MICAL2: variants seen among roughly 807,000 people sequenced by gnomAD.
The protein encoded by MICAL2 is microtubule associated monooxygenase, calponin and LIM domain containing 2, also known as [F-actin]-monooxygenase MICAL2.
Under a neutral mutation model 127.3 loss-of-function variants are expected in MICAL2, and 77 were observed. The observed-to-expected ratio is 0.60, with a 90% confidence interval of 0.50 to 0.73. MICAL2 has a LOEUF of 0.73. Ranked by LOEUF, MICAL2 falls within the 30% of genes least tolerant of loss-of-function variation. MICAL2 has a pLI of 0.00. For synonymous variants in MICAL2, 570 were observed against 551.1 expected, an observed-to-expected ratio of 1.03 and a Z score of -0.48; for missense variants, 1,351 against 1,434.4, an observed-to-expected ratio of 0.94 and a Z score of 0.94.
intron 21 of MICAL2, among the ~76,000 whole-genome samples, chr11:12,245,867 G>T (rs1345475447): frequency 2.0e-5 from 3 of 152,238 alleles, no homozygotes; most frequent in Non-Finnish European, 4.4e-5. Flanking sequence ...AAAGGTCATG[G>T]CACCCTTGGC....
At position 12,241,130 on chromosome 11, in the gene MICAL2, A is replaced by G; in HGVS notation, c.2305A>G (p.Thr769Ala). Residue 769 changes from threonine (T) to alanine (A), a missense_variant, in exon 18 of 28, where the codon ACA becomes GCA. Thr to Ala is a moderately conservative substitution (Grantham distance 58). Around this residue, in one of 2 missense-constraint regions of MICAL2, gnomAD observed 752 missense variants for 719.4 expected, o/e 1.05. Coordinates refer to ENST00000683283, the MANE Select transcript of MICAL2 (RefSeq NM_001282663.2). Reference sequence around the variant, plus strand: ...TTGCTGCCCCAAGCCGGAGGAGGCCACACCCAGCCCATCACCTCCTCTGAA... The same window carrying G: ...TTGCTGCCCCAAGCCGGAGGAGGCCGCACCCAGCCCATCACCTCCTCTGAA... ...HSCCPKPEEATPSPSPPLKRQ... is the reference protein window; with the variant it reads ...HSCCPKPEEAAPSPSPPLKRQ... 2 of 1,613,998 alleles carry G rather than the reference A, an allele frequency of 1.2e-6. No individual in the cohort carries two copies. The highest frequency in any genetic ancestry group is 1.7e-4 in the Middle Eastern group (1 of 6,060).
downstream of MICAL2, among the ~76,000 whole-genome samples, chr11:12,265,529 G>A (rs937951961): frequency 6.6e-6 from 1 of 152,226 alleles, no homozygotes; most frequent in East Asian, 1.9e-4. Flanking sequence ...TTAATGTAGA[G>A]TAATAAAATA....
intron 26 of MICAL2, chr11:12,262,177 C>A (rs952179169): frequency 1.6e-6 from 2 of 1,271,558 alleles, no homozygotes; most frequent in South Asian, 1.7e-5. Context: ...GCCTCTAGGC[C>A]TCCGCAACAT....
intron 8 of MICAL2, among the ~76,000 whole-genome samples, chr11:12,218,319 C>A (rs1356312673): frequency 6.6e-6 from 1 of 152,174 alleles, no homozygotes; most frequent in East Asian, 1.9e-4. Flanking sequence ...GTCCTCCTGT[C>A]CTTGTCCTCA....
intron 1 of MICAL2, among the ~76,000 whole-genome samples, chr11:12,127,013 G>C (rs1287053420): frequency 6.6e-6 from 1 of 152,204 alleles, no homozygotes; most frequent in East Asian, 1.9e-4. Context: ...GGAATTGCCT[G>C]CTTTGAAGGT....
chr11:12,227,240 C>A, intron 15 of MICAL2, 109 bp downstream of exon 15: 2 of 763,186 alleles, frequency 2.6e-6, no homozygotes, highest in Non-Finnish European at 2.2e-6. Context: ...TTACATGGAT[C>A]AGGCGCTCCC....
At chr11:12,242,883 T>G (rs558950988) in intron 20 of MICAL2, 111 bp downstream of exon 20, 1 of 691,292 alleles carries the variant, frequency 1.4e-6, no homozygotes, top group African/African-American at 1.9e-5. Context: ...TTTTAGAGCA[T>G]GAAGAGCTCT....
At chr11:12,167,178 G>C (rs978545251) in intron 3 of MICAL2, among the ~76,000 whole-genome samples, 1 of 152,126 alleles carries the variant, frequency 6.6e-6, no homozygotes, top group African/African-American at 2.4e-5. Flanking sequence ...TACAGACCAG[G>C]GGGTATTTGT....
intron 3 of MICAL2, among the ~76,000 whole-genome samples, chr11:12,164,537 G>A (rs549298797): frequency 1.4e-4 from 22 of 152,280 alleles, no homozygotes; most frequent in South Asian, 4.2e-4. Context: ...ACCTTAACTT[G>A]GGTGCTTTGA....
At chr11:12,165,502 T>A (rs934510727) in intron 3 of MICAL2, among the ~76,000 whole-genome samples, 4 of 152,146 alleles carry the variant, frequency 2.6e-5, no homozygotes, top group Admixed American at 2.6e-4. Context: ...ATGACACAGG[T>A]TTGTCAGGTA....
chr11:12,177,585 G>C (rs2133922265), intron 3 of MICAL2, among the ~76,000 whole-genome samples: 1 of 152,290 alleles, frequency 6.6e-6, no homozygotes, highest in Non-Finnish European at 1.5e-5. Context: ...TTACTGTCAT[G>C]AAGCTTTTGC....
In MICAL2 at chr11:12,110,654, G is replaced by A. The variant is rs2133391525; in HGVS notation, c.-221G>A. On this transcript the variant is annotated 5_prime_UTR_variant, in exon 1 of 28. Transcript: ENST00000683283. This position sits in a 1 kb window ranked among gnomAD's most constrained non-coding sequence, Gnocchi z 4.5. ...TCCCAGCTCTGTCAGTGGCCCGCGG[G>A]GCCCGATCGCTGCGCCCGCGGCCAG... 6.6e-6 allele frequency: 1 copy of A among 151,820 alleles called. No individual in the cohort carries two copies. The highest frequency in any genetic ancestry group is 1.9e-4 in the East Asian group (1 of 5,156). 9.4% of individuals were successfully genotyped at this position (151,820 alleles called of 1,614,324 possible). A position where few individuals can be genotyped will look rare whatever the true frequency, so the allele number is the denominator to read the frequency against.
chr11:12,346,155 C>G (rs1462859512), intron 32 of MICAL2, among the ~76,000 whole-genome samples: 2 of 152,158 alleles, frequency 1.3e-5, no homozygotes, highest in Non-Finnish European at 2.9e-5. Context: ...GCTCCTTCGT[C>G]CCATGGATAA....
chr11:12,122,930 C>T (rs1268434882), intron 1 of MICAL2, among the ~76,000 whole-genome samples: 1 of 152,158 alleles, frequency 6.6e-6, no homozygotes, highest in African/African-American at 2.4e-5. Context: ...TGTCTTTGAA[C>T]TCCTCCTTCC....
chr11:12,343,347 G>T (rs556129953), intron 32 of MICAL2, among the ~76,000 whole-genome samples: 1 of 148,314 alleles, frequency 6.7e-6, no homozygotes, highest in African/African-American at 2.5e-5. Context: ...GGCAGAGGTT[G>T]CAGTAAGCTG....
chr11:12,245,231 A>G (rs931802718), intron 21 of MICAL2, among the ~76,000 whole-genome samples: 1 of 152,140 alleles, frequency 6.6e-6, no homozygotes, highest in African/African-American at 2.4e-5. Flanking sequence ...CACTCCACCC[A>G]CCAACTGTGC....
chr11:12,162,504 C>T, intron 3 of MICAL2, 85 bp downstream of exon 3: 1 of 1,496,134 alleles, frequency 6.7e-7, no homozygotes, highest in Non-Finnish European at 9.1e-7. Context: ...CATTTTGGCA[C>T]TCTACGGTTC....
At chr11:12,361,512 G>T (rs1939203738), downstream of MICAL2, among the ~76,000 whole-genome samples, 1 of 151,832 alleles carries the variant, frequency 6.6e-6, no homozygotes, top group African/African-American at 2.4e-5. Flanking sequence ...ACTATCACAG[G>T]GCTTCTTGGG....
At chr11:12,186,843 G>A (rs1858361821) in intron 3 of MICAL2, among the ~76,000 whole-genome samples, 1 of 152,312 alleles carries the variant, frequency 6.6e-6, no homozygotes, top group South Asian at 2.1e-4. Context: ...CAGCTCAGAG[G>A]ATACAGAGCT....
Sources: gnomAD v4.1 joint callset for allele counts (sites outside exome capture counted in the v4.1 genomes callset) on GRCh38, gnomAD v4.1.1 for gene constraint, gnomAD v4.1.1 regional missense constraint, Gnocchi (gnomAD v3.1) non-coding constraint, MANE v1.5 for transcripts, NCBI Gene and HGNC (gene_info 2026-07-23, HGNC 2026-07-21) for gene names.